Variants in TMED8 observed in about 807,000 individuals in gnomAD.
TMED8 encodes the protein transmembrane p24 trafficking protein family member 8.
TMED8 carries 15 observed loss-of-function variants against 32.7 expected under a neutral mutation model. The observed-to-expected ratio is 0.46, with a 90% confidence interval of 0.31 to 0.71. The LOEUF is 0.71. Ranked by LOEUF, TMED8 falls within the 30% of genes least tolerant of loss-of-function variation. The pLI is 0.06. For synonymous variants in TMED8, 147 were observed against 161.4 expected (o/e 0.91, Z 0.68); for missense variants, 390 against 423.9 (o/e 0.92, Z 0.70).
chr14:77,368,686 A>T (rs1237258644), intron 1 of TMED8, among the ~76,000 whole-genome samples: 1 of 152,176 alleles, frequency 6.6e-6, no homozygotes, highest in Non-Finnish European at 1.5e-5. Flanking sequence ...CATATTGGCC[A>T]GGCTGTTCTC....
chr14:77,377,029 C>G lies in TMED8; in HGVS notation c.25G>C (p.Gly9Arg). 1.4e-6 allele frequency: 2 copies of G among 1,386,948 alleles called. No homozygotes were observed. Among genetic ancestry groups the G allele is most frequent in the Non-Finnish European group, 1.9e-6 (2 of 1,080,888 alleles). The allele number at this position is 1,386,948 out of a possible 1,614,324, so 85.9% of individuals were successfully genotyped here. Residue 9 changes from glycine to arginine, a missense_variant, in exon 1 of 6, where the codon GGG becomes CGG. Physicochemically the swap from Gly to Arg is moderately radical, Grantham distance 125. Transcript: ENST00000216468. ...GCTGTGGGGCTCCAGGAGCCCGGCC[C>G]CTCAGCCGCCTGCAGGTCAGACATC... The part of the protein sequence containing the change: MSDLQAAE[G>R]PGSWSPTARP...
At chr14:77,375,189 C>T (rs1238872482) in intron 1 of TMED8, among the ~76,000 whole-genome samples, 3 of 151,972 alleles carry the variant, frequency 2.0e-5, no homozygotes, top group Admixed American at 2.0e-4. Flanking sequence ...AGAGGAAGAG[C>T]TTGCTCTGGG....
Position 77,341,443 on chromosome 14 carries a change from C to A in TMED8, c.*328G>T, listed in dbSNP as rs1334515393. On this transcript the variant is annotated 3_prime_UTR_variant, in exon 6 of 6. Coordinates refer to ENST00000216468, the MANE Select transcript of TMED8 (RefSeq NM_213601.3). Reference sequence around the variant, plus strand: ...AGAGGGCAGCAATCTGAATGATAAACCTGTGCCAAGATGAATCTATTTTTA... The same window carrying A: ...AGAGGGCAGCAATCTGAATGATAAAACTGTGCCAAGATGAATCTATTTTTA... 1.8e-5 allele frequency: 6 copies of A among 330,148 alleles called. No homozygotes were observed. Among genetic ancestry groups the A allele is most frequent in the African/African-American group, 8.5e-5 (4 of 47,044 alleles). 20.5% of individuals were successfully genotyped at this position (330,148 alleles called of 1,614,324 possible).
At chr14:77,345,923 C>T (rs12893462) in intron 3 of TMED8, among the ~76,000 whole-genome samples, 35,621 of 141,716 alleles carry the variant, frequency 0.25, 4,607 homozygotes, top group Admixed American at 0.32. Context: ...GAGCCAAGAT[C>T]GTGCCACTGC....
intron 1 of TMED8, among the ~76,000 whole-genome samples, chr14:77,357,897 G>T (rs895713956): frequency 6.6e-6 from 1 of 152,134 alleles, no homozygotes; most frequent in African/African-American, 2.4e-5. Flanking sequence ...GCTGAGGCAG[G>T]TGGATCACCT....
At chr14:77,360,652 C>A (rs372568377) in intron 1 of TMED8, among the ~76,000 whole-genome samples, 139 of 152,246 alleles carry the variant, frequency 9.1e-4, no homozygotes, top group Non-Finnish European at 1.5e-3. Context: ...GTGAATAATG[C>A]GACAATGAAC....
At chr14:77,352,779 C>G (rs1893208884) in intron 1 of TMED8, among the ~76,000 whole-genome samples, 1 of 152,026 alleles carries the variant, frequency 6.6e-6, no homozygotes, top group Non-Finnish European at 1.5e-5. Flanking sequence ...TCATATTCCT[C>G]AGAAAGCAGA....
At chr14:77,351,576 A>T in intron 2 of TMED8, 97 bp downstream of exon 2, 1 of 1,186,348 alleles carries the variant, frequency 8.4e-7, no homozygotes, top group East Asian at 2.4e-5. Flanking sequence ...TCTTTACTTT[A>T]ACTTGCCTCC....
At chr14:77,362,699 A>T (rs1893466129) in intron 1 of TMED8, among the ~76,000 whole-genome samples, 1 of 152,206 alleles carries the variant, frequency 6.6e-6, no homozygotes, top group Admixed American at 6.5e-5. Context: ...AATGGATTAA[A>T]AAAAACTAAG....
Position 77,376,921 on chromosome 14 carries a change from CCCGGCCTTGCGTA to C in TMED8, c.118+2_118+14del. 7.0e-7 allele frequency: 1 copy of C among 1,423,340 alleles called. No individual in the cohort carries two copies. Among genetic ancestry groups the C allele is most frequent in the Non-Finnish European group, 9.2e-7 (1 of 1,089,482 alleles). 88.2% of individuals were successfully genotyped at this position (1,423,340 alleles called of 1,614,324 possible). A position where few individuals can be genotyped will look rare whatever the true frequency, so the allele number is the denominator to read the frequency against. ...CCGGGCGGCACCCACCCGCCAGCGCCCCGGCCTTGCGTACCTGAGGCGGCCGCCTGGCTCCCCT... is the reference window on the plus strand; with the variant it reads ...CCGGGCGGCACCCACCCGCCAGCGCCCCTGAGGCGGCCGCCTGGCTCCCCT... On this transcript the variant is annotated splice_donor_variant and splice_donor_5th_base_variant and intron_variant, in intron 1 of 5. Transcript: ENST00000216468. LOFTEE classifies it high-confidence loss of function. The surrounding 1 kb of genome is among the most constrained non-coding windows in gnomAD (Gnocchi z 4.0).
chr14:77,355,154 T>TTGTG lies in TMED8; in HGVS notation c.119-3407_119-3404dup, dbSNP rs149768550. On this transcript the variant is annotated intron_variant, in intron 1 of 5. Transcript: ENST00000216468. Reference sequence around the variant, plus strand: ...GCATACAAATACAAATGTATATGTATTGTGTGTGTGTGTGTGTGTTTCTGA... The same window carrying TTGTG: ...GCATACAAATACAAATGTATATGTATTGTGTGTGTGTGTGTGTGTGTGTTTCTGA... 7.5e-3 allele frequency among the ~76,000 whole-genome samples: 1,111 copies of TTGTG among 147,820 alleles called. 5 individuals carry two copies. Among genetic ancestry groups the TTGTG allele is most frequent in the Middle Eastern group, 0.017 (5 of 288 alleles).
At chr14:77,352,429 T>A (rs1893200772) in intron 1 of TMED8, among the ~76,000 whole-genome samples, 1 of 140,424 alleles carries the variant, frequency 7.1e-6, no homozygotes. Context: ...ATAATAATAA[T>A]AAATTTTAAA....
chr14:77,358,341 G>A (rs1412053795), intron 1 of TMED8, among the ~76,000 whole-genome samples: 7 of 150,682 alleles, frequency 4.6e-5, no homozygotes, highest in Admixed American at 2.0e-4. Flanking sequence ...TTGCTCTGTC[G>A]CCCAGGCTAG....
Position 77,343,790 on chromosome 14 carries a change from C to T in TMED8, c.361G>A (p.Asp121Asn), listed in dbSNP as rs142882254. ...TGTTCAGACTGGATCATAACGATGT[C>T]CCCAGACCTCTGTGGAACTTGATAC... is the stretch of plus-strand genomic sequence containing the variant. ...AKYQVPQRSG[D>N]IVMIQSEHTG... Residue 121 changes from aspartate to asparagine, a missense_variant, in exon 4 of 6, where the codon GAC (aspartate) becomes AAC (asparagine). Transcript: ENST00000216468. 5,091 of 1,614,068 alleles carry T rather than the reference C, an allele frequency of 3.2e-3. 40 individuals carry two copies. The highest frequency in any genetic ancestry group is 3.2e-3 in the Non-Finnish European group (3,725 of 1,179,980).
chr14:77,362,747 G>T (rs939904722), intron 1 of TMED8, among the ~76,000 whole-genome samples: 3 of 152,114 alleles, frequency 2.0e-5, no homozygotes, highest in African/African-American at 2.4e-5. Context: ...ACTCATTTTA[G>T]CTTTAAGAAC....
chr14:77,341,837 C>T lies in TMED8; in HGVS notation c.912G>A (p.Lys304=). ...GCAGCAGGGAGTAGGAGTTGTCGAA[C>T]TTGAGCAGGTAGATGCCCTCACCAG... The part of the protein sequence containing the change: ...DYPGEGIYLL[K]FDNSYSLLRN... The change falls in exon 6 of 6, where the codon AAG becomes AAA. Residue 304 remains lysine (K), a synonymous_variant. Coordinates refer to ENST00000216468, the MANE Select transcript of TMED8 (RefSeq NM_213601.3). 6.2e-7 allele frequency: 1 copy of T among 1,613,860 alleles called. No homozygotes were observed. Among genetic ancestry groups the T allele is most frequent in the Non-Finnish European group, 8.5e-7 (1 of 1,179,984 alleles).
In TMED8 at chr14:77,376,637, A is replaced by T. The variant is rs1279617648; in HGVS notation, c.118+299T>A. 2 of 219,328 alleles carry T rather than the reference A, an allele frequency of 9.1e-6. No homozygotes were observed. The highest frequency in any genetic ancestry group is 1.8e-5 in the Non-Finnish European group (2 of 112,110). The allele number at this position is 219,328 out of a possible 1,614,324, so 13.6% of individuals were successfully genotyped here. A position where few individuals can be genotyped will look rare whatever the true frequency, so the allele number is the denominator to read the frequency against. On this transcript the variant is annotated intron_variant, in intron 1 of 5. Coordinates refer to ENST00000216468, the MANE Select transcript of TMED8 (RefSeq NM_213601.3). This position sits in a 1 kb window ranked among gnomAD's most constrained non-coding sequence, Gnocchi z 4.0. ...GGACCCGAACCCCGGCTGAAGCTGA[A>T]ACTGAAGCTGAAGAGGCGCCAGGGG...
intron 1 of TMED8, among the ~76,000 whole-genome samples, chr14:77,372,311 A>C (rs1893693081): frequency 1.3e-5 from 2 of 152,242 alleles, no homozygotes; most frequent in Non-Finnish European, 2.9e-5. Flanking sequence ...CTAGGGATTC[A>C]AACTTACTGT....
chr14:77,359,658 A>G, intron 1 of TMED8: 1 of 320,678 alleles, frequency 3.1e-6, no homozygotes, highest in South Asian at 2.7e-5. Flanking sequence ...ACCTGGCCTC[A>G]ACGCCATTCT....
Sources: gnomAD v4.1 joint callset for allele counts (sites outside exome capture counted in the v4.1 genomes callset) on GRCh38, gnomAD v4.1.1 for gene constraint, Gnocchi (gnomAD v3.1) non-coding constraint, MANE v1.5 for transcripts, NCBI Gene and HGNC (gene_info 2026-07-23, HGNC 2026-07-21) for gene names.